CREBRF: variants seen among roughly 807,000 people sequenced by gnomAD.
CREBRF encodes UPF0474 protein C5orf41.
Under a neutral mutation model 66.1 loss-of-function variants are expected in CREBRF, and 5 were observed. The ratio of observed to expected loss-of-function variants is 0.08; its 90% CI spans 0.04 to 0.16. CREBRF has a LOEUF of 0.16. Among genes scored for constraint, CREBRF ranks in the 10% least tolerant of loss-of-function variants. The pLI is 1.00. For missense variants in CREBRF, 531 were observed against 744.9 expected, an observed-to-expected ratio of 0.71 and a Z score of 3.34; for synonymous variants, 229 against 264.4, an observed-to-expected ratio of 0.87 and a Z score of 1.30.
At chr5:173,066,792 C>T (rs1003092238) in intron 1 of CREBRF, among the ~76,000 whole-genome samples, 6 of 134,756 alleles carry the variant, frequency 4.5e-5, no homozygotes, top group Admixed American at 7.5e-5. Flanking sequence ...CATATTGTGT[C>T]GTATATTCAT....
intron 1 of CREBRF, among the ~76,000 whole-genome samples, chr5:173,059,932 A>G (rs1757217676): frequency 6.6e-6 from 1 of 152,176 alleles, no homozygotes; most frequent in South Asian, 2.1e-4. Flanking sequence ...GGCAGGTGAA[A>G]GCAAGCTTTT....
intron 4 of CREBRF, among the ~76,000 whole-genome samples, chr5:173,104,340 G>A (rs1158699772): frequency 6.7e-6 from 1 of 150,044 alleles, no homozygotes; most frequent in Non-Finnish European, 1.5e-5. Context: ...TGATCTTGGG[G>A]CATAATTTTT....
intron 1 of CREBRF, among the ~76,000 whole-genome samples, chr5:173,079,917 T>G (rs1250343078): frequency 6.6e-6 from 1 of 152,198 alleles, no homozygotes; most frequent in Non-Finnish European, 1.5e-5. Flanking sequence ...GCCAGATGAT[T>G]TGTAGTCATT....
chr5:173,093,378 G>A (rs1758398037), intron 4 of CREBRF, among the ~76,000 whole-genome samples: 1 of 152,130 alleles, frequency 6.6e-6, no homozygotes, highest in African/African-American at 2.4e-5. Context: ...CGTTTAAAGT[G>A]TACAACATGT....
chr5:173,129,366 T>G (rs1759355303), intron 8 of CREBRF, among the ~76,000 whole-genome samples: 1 of 151,734 alleles, frequency 6.6e-6, no homozygotes, highest in Non-Finnish European at 1.5e-5. Flanking sequence ...TCCACCAGCC[T>G]CGGCCTCCCA....
chr5:173,102,995 C>G (rs1000910913), intron 4 of CREBRF, among the ~76,000 whole-genome samples: 1 of 152,160 alleles, frequency 6.6e-6, no homozygotes, highest in Non-Finnish European at 1.5e-5. Context: ...GAAGGGAGAT[C>G]ACATGGTTAA....
chr5:173,092,207 C>T (rs770752017), intron 4 of CREBRF: 109 of 959,726 alleles, frequency 1.1e-4, no homozygotes, highest in Non-Finnish European at 1.3e-4. Context: ...TTACTCATTC[C>T]AATACCCAAC....
intron 7 of CREBRF, among the ~76,000 whole-genome samples, chr5:173,115,503 C>A (rs750372041): frequency 6.6e-6 from 1 of 152,136 alleles, no homozygotes; most frequent in Non-Finnish European, 1.5e-5. Flanking sequence ...ATGCAAATAT[C>A]CTTGAGTAAG....
At chr5:173,101,827 G>A (rs1758635689) in intron 4 of CREBRF, among the ~76,000 whole-genome samples, 2 of 152,158 alleles carry the variant, frequency 1.3e-5, no homozygotes, top group Middle Eastern at 3.2e-3. Context: ...GGGATTACAG[G>A]TGTGAGCCAC....
At chr5:173,119,210 G>A (rs1455283486) in intron 7 of CREBRF, among the ~76,000 whole-genome samples, 1 of 152,150 alleles carries the variant, frequency 6.6e-6, no homozygotes, top group Non-Finnish European at 1.5e-5. Flanking sequence ...ATCTTTTACA[G>A]AAAAGCTTAC....
chr5:173,071,580 G>A (rs1232067668), intron 1 of CREBRF, among the ~76,000 whole-genome samples: 1 of 151,728 alleles, frequency 6.6e-6, no homozygotes, highest in East Asian at 1.9e-4. Flanking sequence ...CTAGGCTCAA[G>A]TGATCCTCCT....
At chr5:173,078,633 A>T (rs1005060766) in intron 1 of CREBRF, among the ~76,000 whole-genome samples, 9 of 149,696 alleles carry the variant, frequency 6.0e-5, no homozygotes, top group African/African-American at 1.2e-4. Context: ...ATCTCGGCTC[A>T]CTGCAAACTC....
rs1484801595 is a variant in CREBRF at position 173,100,090 on chromosome 5, G to A, written c.1223-8534G>A. On this transcript the variant is annotated intron_variant, in intron 4 of 8. Transcript: ENST00000296953. The stretch of plus-strand genomic sequence containing the variant: ...CCTGGCTAATCTTTTGTGTGTGTGT[G>A]TGTGTGTGTGTGTGTGTGTGTGTGT... Among the ~76,000 whole-genome samples the A allele has an allele frequency of 2.9e-3, 367 of 126,806 alleles. 2 individuals are homozygous for A. Among genetic ancestry groups the A allele is most frequent in the African/African-American group, 0.011 (336 of 30,494 alleles). The allele number at this position is 126,806 out of a possible 152,430, so 83.2% of individuals were successfully genotyped here. A position where few individuals can be genotyped will look rare whatever the true frequency, so the allele number is the denominator to read the frequency against.
intron 4 of CREBRF, among the ~76,000 whole-genome samples, chr5:173,095,784 C>T (rs539484264): frequency 4.9e-4 from 73 of 150,398 alleles, no homozygotes; most frequent in African/African-American, 1.6e-3. Context: ...ATAGATCTTT[C>T]ACTTTCTTGG....
At chr5:173,101,603 A>G (rs2113758428) in intron 4 of CREBRF, among the ~76,000 whole-genome samples, 2 of 150,630 alleles carry the variant, frequency 1.3e-5, no homozygotes, top group South Asian at 4.2e-4. Context: ...CCCAGGCTGG[A>G]GTGCAGTGGC....
chr5:173,095,559 C>A (rs1330568874), intron 4 of CREBRF, among the ~76,000 whole-genome samples: 5 of 152,050 alleles, frequency 3.3e-5, no homozygotes, highest in African/African-American at 4.8e-5. Flanking sequence ...GTTTTTCTTA[C>A]CCAAGATAGC....
At chr5:173,066,860 G>GGC (rs1395358609) in intron 1 of CREBRF, among the ~76,000 whole-genome samples, 1 of 143,222 alleles carries the variant, frequency 7.0e-6, no homozygotes, top group East Asian at 2.1e-4. Flanking sequence ...CTGTTGCCCA[G>GGC]GCTGAGTGCA....
At chr5:173,092,312 G>A in intron 4 of CREBRF, 1 of 981,170 alleles carries the variant, frequency 1.0e-6, no homozygotes, top group Non-Finnish European at 1.2e-6. Context: ...AATACATGCT[G>A]TAATTTGGTG....
chr5:173,123,600 G>T, intron 8 of CREBRF: 1 of 191,440 alleles, frequency 5.2e-6, no homozygotes, highest in Non-Finnish European at 1.1e-5. Flanking sequence ...TCCCTGAACA[G>T]ATTGCACAAT....
Sources: gnomAD v4.1 joint callset for allele counts (sites outside exome capture counted in the v4.1 genomes callset) on GRCh38, gnomAD v4.1.1 for gene constraint, MANE v1.5 for transcripts, NCBI Gene and HGNC (gene_info 2026-07-23, HGNC 2026-07-21) for gene names.